Variants in TJP1 observed in about 807,000 individuals in gnomAD.
TJP1 encodes the protein tight junction protein 1, also known as tight junction protein ZO-1.
In TJP1, 43 loss-of-function variants were observed where a neutral mutation model predicts 194.2. That is an observed-to-expected ratio of 0.22 (90% CI 0.17 to 0.29). The LOEUF (loss-of-function observed/expected upper bound fraction) is 0.29. Among genes scored for constraint, TJP1 ranks in the 10% least tolerant of loss-of-function variants. TJP1 has a pLI of 1.00. For synonymous variants in TJP1, 801 were observed against 779.0 expected, an observed-to-expected ratio of 1.03 and a Z score of -0.47; for missense variants, 1,971 against 2,185.7, an observed-to-expected ratio of 0.90 and a Z score of 1.96.
intron 11 of TJP1, among the ~76,000 whole-genome samples, chr15:29,734,796 C>T (rs989033258): frequency 6.6e-6 from 1 of 152,026 alleles, no homozygotes; most frequent in African/African-American, 2.4e-5. Context: ...GAAAATATCA[C>T]ATCTTTTAAG....
intron 2 of TJP1, among the ~76,000 whole-genome samples, chr15:29,829,625 C>T (rs945767531): frequency 3.4e-5 from 3 of 87,798 alleles, no homozygotes; most frequent in Non-Finnish European, 6.8e-5. Flanking sequence ...AAATTCATTG[C>T]CTTAAAAAAA....
intron 2 of TJP1, among the ~76,000 whole-genome samples, chr15:29,844,534 G>A (rs1333805719): frequency 6.6e-6 from 1 of 152,116 alleles, no homozygotes. Flanking sequence ...CCAGACACAT[G>A]GTGAAGGCAG....
intron 8 of TJP1, chr15:29,760,239 T>C: frequency 1.4e-6 from 1 of 702,384 alleles, no homozygotes; most frequent in Non-Finnish European, 2.6e-6. Context: ...GCTGCGTGTA[T>C]GTGCACATGC....
chr15:29,726,060 A>G (rs143188596), intron 18 of TJP1, among the ~76,000 whole-genome samples: 15 of 152,264 alleles, frequency 9.9e-5, no homozygotes, highest in African/African-American at 3.6e-4. Context: ...AGGAAACTGA[A>G]GCCAGGCTCA....
At position 29,881,760 on chromosome 15, in the gene TJP1, G is replaced by A. The variant is rs118093988; in HGVS notation, c.306+74472C>T. Among the ~76,000 whole-genome samples the A allele has an allele frequency of 5.0e-3, 753 of 152,038 alleles. 2 individuals are homozygous for A. The highest frequency in any genetic ancestry group is 7.7e-3 in the Non-Finnish European group (524 of 67,982). ...GTAATTCCATATACTCACCGACAAG[G>A]AGCTTTAAAAAGTGCTTCTGGACAA... On this transcript the variant is annotated intron_variant, in intron 2 of 28. Transcript: ENST00000356107.
At position 29,742,647 on chromosome 15, in the gene TJP1, A is replaced by C; in HGVS notation, c.1145T>G (p.Leu382Arg). The C allele has an allele frequency of 6.3e-7, 1 of 1,579,720 alleles. No individual in the cohort carries two copies. Among genetic ancestry groups the C allele is most frequent in the Non-Finnish European group, 8.6e-7 (1 of 1,166,340 alleles). The change falls in exon 9 of 28, where the codon CTT (leucine) becomes CGT (arginine). Residue 382 changes from leucine (L) to arginine (R), a missense_variant. This residue lies in a region of TJP1 where 192 missense variants were observed against 182.3 expected (regional missense o/e 1.05). Transcript: ENST00000614355. ...TAGTGTTTCGTTATGCTTACCTGGA[A>C]GAGAAGGTGTTTGTTTCTCATTTCT... ...VERNEKQTPS[L>R]PEPKPVYAQV...
rs527358604 is a variant in TJP1 at position 29,872,030 on chromosome 15, G to C, written c.307-71328C>G. On this transcript the variant is annotated intron_variant, in intron 2 of 28. Transcript: ENST00000356107. ...ACACACAGCACACAGCTGTCAGAAG[G>C]AAGGCCAGGCATTTACACAGGGTGG... is the stretch of plus-strand genomic sequence containing the variant. 7.6e-4 allele frequency among the ~76,000 whole-genome samples: 116 copies of C among 152,320 alleles called. 1 individual carries two copies. The highest frequency in any genetic ancestry group is 2.7e-3 in the African/African-American group (113 of 41,566).
In TJP1 at chr15:29,869,747, T is replaced by A. The variant is rs189237677; in HGVS notation, c.307-69045A>T. ...TGTGCCTCCTCACTAGACTCCAGCA[T>A]CTTGAAGGCAGAACGATATCCTTTC... On this transcript the variant is annotated intron_variant, in intron 2 of 28. Coordinates refer to the TJP1 transcript ENST00000356107. 1.4e-3 allele frequency among the ~76,000 whole-genome samples: 203 copies of A among 149,960 alleles called. 1 individual carries two copies. Among genetic ancestry groups the A allele is most frequent in the Non-Finnish European group, 2.2e-3 (148 of 67,318 alleles).
At position 29,720,704 on chromosome 15, in the gene TJP1, T is replaced by A. The variant is rs2042877868; in HGVS notation, c.2417A>T (p.Asp806Val). 1.3e-6 allele frequency: 2 copies of A among 1,576,198 alleles called. No homozygotes were observed. The highest frequency in any genetic ancestry group is 2.3e-5 in the South Asian group (2 of 85,768). ...ATCAAGGTCATCACTTGTAGCACCATCCGCCTGGGTCAAATAAAAGTAAAT... is the reference window on the plus strand; with the variant it reads ...ATCAAGGTCATCACTTGTAGCACCAACCGCCTGGGTCAAATAAAAGTAAAT... ...QLVWVSEGKA[D>V]GATSDDLDLH... Residue 806 changes from aspartate to valine, a missense_variant, in exon 19 of 28, where the codon GAT becomes GTT. Asp to Val is a radical substitution (Grantham distance 152). Coordinates refer to ENST00000614355, the MANE Select transcript of TJP1 (RefSeq NM_001330239.4).
At chr15:29,833,881 A>ATATATATATATATTTTTTTT in intron 2 of TJP1, among the ~76,000 whole-genome samples, 2 of 12,616 alleles carry the variant, frequency 1.6e-4, no homozygotes, top group African/African-American at 3.0e-4. Context: ...ATATATATAT[A>ATATATATATATATTTTTTTT]TTTTTTTTTT....
rs5811594 is a variant in TJP1 at position 29,961,334 on chromosome 15, C to CTTTTTTTT, written c.174-4978_174-4971dup. ...CAATGAGGTTTTACTTTTCCTAATT[C>CTTTTTTTT]TTTTTTTTTTTTTTTTTTTTTTTTT... On this transcript the variant is annotated intron_variant, in intron 1 of 28. Coordinates refer to the TJP1 transcript ENST00000356107. Among the ~76,000 whole-genome samples, 146 of 89,826 alleles carry CTTTTTTTT rather than the reference C, an allele frequency of 1.6e-3. 1 individual carries two copies. Among genetic ancestry groups the CTTTTTTTT allele is most frequent in the Non-Finnish European group, 1.8e-3 (95 of 51,542 alleles). 58.9% of individuals were successfully genotyped at this position (89,826 alleles called of 152,430 possible). A position where few individuals can be genotyped will look rare whatever the true frequency, so the allele number is the denominator to read the frequency against.
At chr15:29,927,005 AT>A (rs529460196) in intron 2 of TJP1, among the ~76,000 whole-genome samples, 196 of 152,338 alleles carry the variant, frequency 1.3e-3, no homozygotes, top group South Asian at 7.5e-3. Context: ...CAATGAGTAC[AT>A]TTGAAATTAT....
chr15:29,740,980 A>C, intron 10 of TJP1: 1 of 205,988 alleles, frequency 4.9e-6, no homozygotes. Context: ...CCAAAATGCC[A>C]CTAGTGCTGA....
chr15:29,803,876 C>T (rs1343303457), intron 1 of TJP1, among the ~76,000 whole-genome samples: 1 of 151,876 alleles, frequency 6.6e-6, no homozygotes, highest in Non-Finnish European at 1.5e-5. Flanking sequence ...TGTTAAACAT[C>T]AATTATAGCT....
chr15:29,843,384 T>C (rs553219741), intron 2 of TJP1, among the ~76,000 whole-genome samples: 32 of 152,192 alleles, frequency 2.1e-4, no homozygotes, highest in Middle Eastern at 6.8e-3. Flanking sequence ...AGACGGGGTT[T>C]CTCTATGTTG....
chr15:29,757,744 C>T (rs1011490756), intron 8 of TJP1, among the ~76,000 whole-genome samples: 1 of 152,202 alleles, frequency 6.6e-6, no homozygotes, highest in Non-Finnish European at 1.5e-5. Context: ...ATACACTATA[C>T]TTTCTAACCA....
chr15:29,788,589 C>A (rs151115954), intron 2 of TJP1, among the ~76,000 whole-genome samples: 1 of 152,086 alleles, frequency 6.6e-6, no homozygotes, highest in African/African-American at 2.4e-5. Context: ...GCCTTGGCAC[C>A]CCATCCCAAG....
chr15:29,813,017 T>C (rs1342561860), intron 1 of TJP1, among the ~76,000 whole-genome samples: 2 of 152,012 alleles, frequency 1.3e-5, no homozygotes, highest in Non-Finnish European at 2.9e-5. Flanking sequence ...AATCAGTAAA[T>C]AAACCTTCCT....
chr15:29,729,416 AAAAT>A (rs1255909261), intron 15 of TJP1: 5 of 152,248 alleles, frequency 3.3e-5, no homozygotes, highest in African/African-American at 4.8e-5. Flanking sequence ...TGATGTTCAG[AAAAT>A]AAATATCCTT....
Sources: allele counts gnomAD v4.1 joint callset (sites outside exome capture counted in the v4.1 genomes callset), GRCh38; gene constraint gnomAD v4.1.1; regional missense constraint gnomAD v4.1.1; transcripts MANE v1.5; gene names NCBI Gene and HGNC (gene_info 2026-07-23, HGNC 2026-07-21).